The following EIF4G3 variants were observed in gnomAD, a reference collection of about 807,000 sequenced individuals.
EIF4G3 encodes the protein eIF-4-gamma 3.
A neutral mutation model predicts 186.4 loss-of-function variants in EIF4G3; 34 were observed. That is an observed-to-expected ratio of 0.18 (90% CI 0.14 to 0.24). The LOEUF is 0.24. EIF4G3 is among the 10% of genes least tolerant of loss of function. The pLI, the probability that EIF4G3 is intolerant of heterozygous loss-of-function variation, is 1.00. For synonymous variants in EIF4G3, 673 were observed against 679.5 expected, an observed-to-expected ratio of 0.99 and a Z score of 0.15; for missense variants, 1,536 against 1,948.5, an observed-to-expected ratio of 0.79 and a Z score of 3.99.
intron 2 of EIF4G3, among the ~76,000 whole-genome samples, chr1:21,171,514 A>G (rs1229500447): frequency 1.3e-5 from 2 of 152,226 alleles, no homozygotes; most frequent in Non-Finnish European, 2.9e-5. Context: ...GCCAAAAACC[A>G]GAAGTAGCTT....
intron 14 of EIF4G3, among the ~76,000 whole-genome samples, chr1:20,938,746 G>A (rs2095602355): frequency 6.6e-6 from 1 of 152,158 alleles, no homozygotes; most frequent in Non-Finnish European, 1.5e-5. Flanking sequence ...GTTAACTTTT[G>A]TGACAAAACC....
At chr1:21,051,358 C>G (rs529167223) in intron 3 of EIF4G3, among the ~76,000 whole-genome samples, 43 of 152,084 alleles carry the variant, frequency 2.8e-4, no homozygotes, top group African/African-American at 9.9e-4. Context: ...GAGATGACTA[C>G]AGAAGAGGAA....
chr1:20,854,969 C>G lies in EIF4G3; in HGVS notation c.3433+9G>C, dbSNP rs540989061. ...ACAGCCAGGTTTGAGAAGGGACACA[C>G]ACACTTACCAGTCTCACTTGCCTTT... On this transcript the variant is annotated intron_variant, in intron 26 of 36. Transcript: ENST00000602326. 1 of 1,611,826 alleles carries G rather than the reference C, an allele frequency of 6.2e-7. No homozygotes were observed. The highest frequency in any genetic ancestry group is 1.1e-5 in the South Asian group (1 of 90,990).
intron 2 of EIF4G3, among the ~76,000 whole-genome samples, chr1:21,091,691 TTGAA>T (rs1353147290): frequency 6.6e-6 from 1 of 152,188 alleles, no homozygotes; most frequent in Non-Finnish European, 1.5e-5. Flanking sequence ...GTAGTTCTCC[TTGAA>T]GAGGTCCTTC....
intron 3 of EIF4G3, among the ~76,000 whole-genome samples, chr1:21,078,654 C>G (rs2095663009): frequency 6.6e-6 from 1 of 152,094 alleles, no homozygotes; most frequent in African/African-American, 2.4e-5. Context: ...TCCTAATTAC[C>G]CAGATTTGAC....
chr1:21,034,777 G>A (rs896475838), intron 4 of EIF4G3, among the ~76,000 whole-genome samples: 2 of 152,182 alleles, frequency 1.3e-5, no homozygotes, highest in Non-Finnish European at 2.9e-5. Flanking sequence ...CCGTACTTCG[G>A]CAGTAGGCTC....
chr1:21,070,531 C>T (rs1181588808), intron 3 of EIF4G3, among the ~76,000 whole-genome samples: 1 of 152,132 alleles, frequency 6.6e-6, no homozygotes, highest in Non-Finnish European at 1.5e-5. Flanking sequence ...CATTCTTGTT[C>T]TAAATGTTTA....
At chr1:21,095,999 T>C (rs2096359734) in intron 2 of EIF4G3, among the ~76,000 whole-genome samples, 1 of 152,208 alleles carries the variant, frequency 6.6e-6, no homozygotes, top group Non-Finnish European at 1.5e-5. Context: ...AACAGACTAA[T>C]ATGCTTTAAC....
chr1:21,159,604 G>A (rs2097724648), intron 2 of EIF4G3, among the ~76,000 whole-genome samples: 1 of 152,072 alleles, frequency 6.6e-6, no homozygotes, highest in Non-Finnish European at 1.5e-5. Flanking sequence ...GCCAAGCGTG[G>A]TGGCGCACGC....
At chr1:21,120,049 C>T (rs943466668) in intron 2 of EIF4G3, among the ~76,000 whole-genome samples, 2 of 151,378 alleles carry the variant, frequency 1.3e-5, no homozygotes, top group East Asian at 1.9e-4. Context: ...AGTTATAACA[C>T]GGAATATAAA....
At chr1:21,028,271 A>T (rs2092382667) in intron 4 of EIF4G3, among the ~76,000 whole-genome samples, 1 of 152,236 alleles carries the variant, frequency 6.6e-6, no homozygotes, top group Admixed American at 6.5e-5. Flanking sequence ...AATGGGGTTA[A>T]GATTTTAAAC....
chr1:21,028,524 A>G (rs1199302548), intron 4 of EIF4G3, among the ~76,000 whole-genome samples: 1 of 152,224 alleles, frequency 6.6e-6, no homozygotes, highest in African/African-American at 2.4e-5. Flanking sequence ...GGCTTCAAAG[A>G]TATTGATAAT....
intron 4 of EIF4G3, among the ~76,000 whole-genome samples, chr1:21,022,699 A>G (rs2091018898): frequency 6.6e-6 from 1 of 152,248 alleles, no homozygotes; most frequent in Non-Finnish European, 1.5e-5. Context: ...AACAAAGACA[A>G]GTAACATTAG....
chr1:21,017,267 T>C (rs1030440497), intron 4 of EIF4G3, among the ~76,000 whole-genome samples: 1 of 151,996 alleles, frequency 6.6e-6, no homozygotes, highest in African/African-American at 2.4e-5. Flanking sequence ...CCATGGCAAA[T>C]CACAGAGAAA....
chr1:20,841,284 T>C (rs1424931672), intron 29 of EIF4G3: 4 of 273,366 alleles, frequency 1.5e-5, no homozygotes, highest in Non-Finnish European at 2.0e-5. Flanking sequence ...GGTTTTCCAG[T>C]TTTTACCAGA....
At chr1:21,038,781 TTCTTTATTA>T (rs2093389558) in intron 4 of EIF4G3, among the ~76,000 whole-genome samples, 2 of 68,874 alleles carry the variant, frequency 2.9e-5, no homozygotes, top group Admixed American at 1.4e-4. Context: ...TATGTATAAG[TTCTTTATTA>T]AGGTGAATAC....
chr1:21,132,504 T>G (rs2097170829), intron 2 of EIF4G3, among the ~76,000 whole-genome samples: 4 of 151,678 alleles, frequency 2.6e-5, no homozygotes, highest in Admixed American at 2.6e-4. Context: ...AGTGCAGTGG[T>G]GCTCACCAGA....
At chr1:20,960,849 A>C (rs1188099612) in intron 12 of EIF4G3, among the ~76,000 whole-genome samples, 1 of 152,208 alleles carries the variant, frequency 6.6e-6, no homozygotes, top group Admixed American at 6.5e-5. Flanking sequence ...CAAGAAAAAA[A>C]TGTTAACATA....
chr1:20,960,089 A>G (rs2096537591), intron 12 of EIF4G3, among the ~76,000 whole-genome samples: 1 of 152,204 alleles, frequency 6.6e-6, no homozygotes, highest in Non-Finnish European at 1.5e-5. Context: ...AGATTTGAAA[A>G]CGTATGTTTA....
Sources: gnomAD v4.1 joint callset for allele counts (sites outside exome capture counted in the v4.1 genomes callset) on GRCh38, gnomAD v4.1.1 for gene constraint, MANE v1.5 for transcripts, NCBI Gene and HGNC (gene_info 2026-07-23, HGNC 2026-07-21) for gene names.